The following LPIN2 variants were observed in gnomAD, a reference collection of about 807,000 sequenced individuals.
The protein encoded by LPIN2 is phosphatidate phosphatase LPIN2.
Under a neutral mutation model 111.4 loss-of-function variants are expected in LPIN2, and 55 were observed. The observed-to-expected ratio is 0.49, with a 90% CI of 0.40 to 0.62. The LOEUF is 0.62. LPIN2 is among the 20% of genes least tolerant of loss of function. LPIN2 has a pLI of 0.00. For missense variants in LPIN2, 992 were observed against 1,112.1 expected, an observed-to-expected ratio of 0.89 and a Z score of 1.54; for synonymous variants, 425 against 414.0, an observed-to-expected ratio of 1.03 and a Z score of -0.32.
In LPIN2 at chr18:2,960,690, G is replaced by C. The variant is rs758430904; in HGVS notation, c.151C>G (p.Arg51Gly). 2 of 1,613,928 alleles carry C rather than the reference G, an allele frequency of 1.2e-6. No individual in the cohort carries two copies. Among genetic ancestry groups the C allele is most frequent in the South Asian group, 2.2e-5 (2 of 91,068 alleles). Residue 51 changes from arginine (R) to glycine (G), a missense_variant, in exon 2 of 20, where the codon CGG (arginine) becomes GGG (glycine). By Grantham distance (125) the Arg-to-Gly change is moderately radical. This residue lies in a region of LPIN2 where 67 missense variants were observed against 112.1 expected (regional missense o/e 0.60). Transcript: ENST00000677752. Reference sequence around the variant, plus strand: ...CTCAGGACTCCCAGCTTTCCAAACCGAACGTGAAAAGGTGAACACTGATAG... The same window carrying C: ...CTCAGGACTCCCAGCTTTCCAAACCCAACGTGAAAAGGTGAACACTGATAG... ...GSYQCSPFHV[R>G]FGKLGVLRSK... is the part of the protein sequence containing the mutation.
intron 1 of LPIN2, among the ~76,000 whole-genome samples, chr18:2,971,819 G>A (rs868364819): frequency 6.6e-5 from 10 of 150,906 alleles, no homozygotes; most frequent in East Asian, 5.8e-4. Flanking sequence ...AGGCCGAGGC[G>A]GGGGGTGGAT....
intron 1 of LPIN2, among the ~76,000 whole-genome samples, chr18:2,979,914 C>G (rs1391900534): frequency 6.6e-6 from 1 of 152,142 alleles, no homozygotes; most frequent in Non-Finnish European, 1.5e-5. Context: ...GCTAGTGAGC[C>G]TACCAAAGCA....
chr18:2,956,311 GGT>G lies in LPIN2; in HGVS notation c.193-1714_193-1713del, dbSNP rs55844718. Among the ~76,000 whole-genome samples, 1,051 of 144,026 alleles carry G rather than the reference GGT, an allele frequency of 7.3e-3. 24 individuals carry two copies. The highest frequency in any genetic ancestry group is 0.024 in the African/African-American group (900 of 36,918). The allele number at this position is 144,026 out of a possible 152,430, so 94.5% of individuals were successfully genotyped here. On this transcript the variant is annotated intron_variant, in intron 2 of 19. Coordinates refer to ENST00000677752, the MANE Select transcript of LPIN2 (RefSeq NM_001375808.2). Reference sequence around the variant, plus strand: ...CATGATTTTCATATATAGATGCAGGGGTGTGTGTGTGTGTGTGTGTGTGTGTG... The same window carrying G: ...CATGATTTTCATATATAGATGCAGGGGTGTGTGTGTGTGTGTGTGTGTGTG...
chr18:2,920,638 A>G, intron 19 of LPIN2, 140 bp downstream of exon 19: 1 of 796,086 alleles, frequency 1.3e-6, no homozygotes, highest in South Asian at 1.4e-5. Flanking sequence ...TGTGAAAGAG[A>G]GATACCCACA....
chr18:3,001,345 A>G (rs1407704895), intron 1 of LPIN2, among the ~76,000 whole-genome samples: 1 of 152,218 alleles, frequency 6.6e-6, no homozygotes, highest in Non-Finnish European at 1.5e-5. Flanking sequence ...TGGGGGCCTG[A>G]ATTTGTGACT....
rs1405106529 is a variant in LPIN2 at position 2,919,652 on chromosome 18, G to T, written c.*641C>A. ...GTGGAGTTGTCACAGATGAGAGGAG[G>T]ATGCTCTGTGGGGATCTTTCCCCAA... is the stretch of plus-strand genomic sequence containing the variant. On this transcript the variant is annotated 3_prime_UTR_variant, in exon 20 of 20. Coordinates refer to ENST00000677752, the MANE Select transcript of LPIN2 (RefSeq NM_001375808.2). 3 of 157,868 alleles carry T rather than the reference G, an allele frequency of 1.9e-5. No homozygotes were observed. Among genetic ancestry groups the T allele is most frequent in the Non-Finnish European group, 4.2e-5 (3 of 71,374 alleles). The allele number at this position is 157,868 out of a possible 1,614,324, so 9.8% of individuals were successfully genotyped here. A position where few individuals can be genotyped will look rare whatever the true frequency, so the allele number is the denominator to read the frequency against.
In LPIN2 at chr18:2,920,301, G is replaced by C; in HGVS notation, c.2683C>G (p.Leu895Val). The C allele has an allele frequency of 1.9e-6, 3 of 1,614,160 alleles. No homozygotes were observed. Among genetic ancestry groups the C allele is most frequent in the South Asian group, 1.1e-5 (1 of 91,088 alleles). Residue 895 changes from leucine to valine, a missense_variant, in exon 20 of 20, where the codon CTG becomes GTG. By Grantham distance (32) the Leu-to-Val change is conservative. Coordinates refer to ENST00000677752, the MANE Select transcript of LPIN2 (RefSeq NM_001375808.2). The stretch of plus-strand genomic sequence containing the variant: ...CCCACTGAGGTGCCGCCTCAAGACA[G>C]GTCATCCAGGTCCACTTCAGGGATC... Reference protein sequence around the residue: ...DPIPEVDLDDLS With the variant: ...DPIPEVDLDDVS
intron 1 of LPIN2, among the ~76,000 whole-genome samples, chr18:2,983,469 C>G (rs1403119809): frequency 6.6e-6 from 1 of 152,204 alleles, no homozygotes; most frequent in Non-Finnish European, 1.5e-5. Context: ...GTAATTTTAA[C>G]TGAATTTTTC....
intron 1 of LPIN2, among the ~76,000 whole-genome samples, chr18:2,997,524 A>G (rs2078364049): frequency 1.3e-5 from 2 of 152,226 alleles, no homozygotes; most frequent in South Asian, 4.1e-4. Flanking sequence ...GTACCAGGCC[A>G]CTATGCCTAT....
In LPIN2 at chr18:2,927,805, C is replaced by T. The variant is rs534583981; in HGVS notation, c.1627G>A (p.Val543Ile). 3 of 1,614,194 alleles carry T rather than the reference C, an allele frequency of 1.9e-6. No individual in the cohort carries two copies. The highest frequency in any genetic ancestry group is 2.2e-5 in the South Asian group (2 of 91,088). ...VFQKSLPKAT[V>I]ESWVKDKMPK... ...ATCTTGTCTTTCACCCAGGACTCAA[C>T]TGTGGCCTGAAAACAACCAACCTGG... Residue 543 changes from valine to isoleucine, a missense_variant, in exon 12 of 20, where the codon GTT becomes ATT. Val to Ile is a conservative substitution (Grantham distance 29). This residue lies in a region of LPIN2 where 709 missense variants were observed against 753.2 expected (regional missense o/e 0.94). Transcript: ENST00000677752.
intron 6 of LPIN2, among the ~76,000 whole-genome samples, chr18:2,938,714 G>A (rs539589956): frequency 6.6e-6 from 1 of 152,232 alleles, no homozygotes; most frequent in African/African-American, 2.4e-5. Flanking sequence ...GTCTAAATTC[G>A]ATCACAAATA....
At chr18:2,967,777 C>T (rs1407209946) in intron 1 of LPIN2, 3 of 152,236 alleles carry the variant, frequency 2.0e-5, no homozygotes, top group African/African-American at 7.2e-5. Context: ...AAATGCCTTA[C>T]TTTGTACTTC....
intron 18 of LPIN2, 83 bp from the exon 19 acceptor site, chr18:2,920,964 C>A (rs1003495912): frequency 9.7e-6 from 9 of 923,536 alleles, no homozygotes; most frequent in African/African-American, 1.6e-5. Context: ...GCCAGAAGCA[C>A]TGCACAGACA....
chr18:2,931,317 G>A lies in LPIN2; in HGVS notation c.1395C>T (p.Asp465=), dbSNP rs143562359. Residue 465 remains aspartate, a synonymous_variant, in exon 9 of 20, where the codon GAC becomes GAT. Transcript: ENST00000677752. ...GTECLSDSAM[D]LPDVTLSLCG... ...AAAGGGAGAGGGTAACGTCAGGCAA[G>A]TCCATGGCAGAATCTGAGAGGCACT... The A allele has an allele frequency of 2.1e-4, 344 of 1,614,112 alleles. No individual in the cohort carries two copies. Among genetic ancestry groups the A allele is most frequent in the Non-Finnish European group, 2.8e-4 (329 of 1,180,060 alleles).
Position 3,005,996 on chromosome 18 carries a change from G to A in LPIN2, c.-10+7091C>T, listed in dbSNP as rs573334540. On this transcript the variant is annotated intron_variant, in intron 1 of 19. Transcript: ENST00000677752. The stretch of plus-strand genomic sequence containing the variant: ...GGCAGCATAGGAACAAGGCAATGTG[G>A]GGAGGCAGGTCATCGCTACCACATG... Among the ~76,000 whole-genome samples the A allele has an allele frequency of 3.5e-4, 54 of 152,296 alleles. 1 individual carries two copies. Among genetic ancestry groups the A allele is most frequent in the African/African-American group, 1.3e-3 (52 of 41,558 alleles).
intron 12 of LPIN2, 23 bp from the exon 13 acceptor site, chr18:2,926,828 G>A: frequency 6.3e-7 from 1 of 1,597,428 alleles, no homozygotes; most frequent in Non-Finnish European, 8.6e-7. Flanking sequence ...GATGATAATG[G>A]CAACATGCAA....
intron 1 of LPIN2, among the ~76,000 whole-genome samples, chr18:2,961,680 A>C (rs2077716225): frequency 6.6e-6 from 1 of 152,068 alleles, no homozygotes; most frequent in Non-Finnish European, 1.5e-5. Context: ...ACTAATAAAA[A>C]CCAAATCCCC....
chr18:2,991,479 G>A (rs894854286), intron 1 of LPIN2, among the ~76,000 whole-genome samples: 1 of 151,884 alleles, frequency 6.6e-6, no homozygotes, highest in Non-Finnish European at 1.5e-5. Flanking sequence ...GGCGGACTAA[G>A]GTGGGAGGAT....
chr18:2,990,092 G>A lies in LPIN2; in HGVS notation c.-10+22995C>T, dbSNP rs568518106. On this transcript the variant is annotated intron_variant, in intron 1 of 19. Coordinates refer to ENST00000677752, the MANE Select transcript of LPIN2 (RefSeq NM_001375808.2). The stretch of plus-strand genomic sequence containing the variant: ...GCATGGCGGAAGGAATAGTCTCAAC[G>A]GATGGTGCTGACACAACTAAGTTTC... 2.7e-3 allele frequency among the ~76,000 whole-genome samples: 411 copies of A among 152,218 alleles called. 1 individual carries two copies. The highest frequency in any genetic ancestry group is 9.1e-3 in the African/African-American group (377 of 41,524).
Sources: gnomAD v4.1 joint callset for allele counts (sites outside exome capture counted in the v4.1 genomes callset) on GRCh38, gnomAD v4.1.1 for gene constraint, gnomAD v4.1.1 regional missense constraint, MANE v1.5 for transcripts, NCBI Gene and HGNC (gene_info 2026-07-23, HGNC 2026-07-21) for gene names.